The following VAV2 variants were observed in gnomAD, a reference collection of about 807,000 sequenced individuals.
The protein encoded by VAV2 is vav guanine nucleotide exchange factor 2.
A neutral mutation model predicts 132.5 loss-of-function variants in VAV2; 67 were observed. That is an observed-to-expected ratio of 0.51 (90% CI 0.42 to 0.62). The LOEUF (loss-of-function observed/expected upper bound fraction) is 0.62. VAV2 is among the 20% of genes least tolerant of loss of function. The pLI is 0.00. For synonymous variants in VAV2, 492 were observed against 443.5 expected, an observed-to-expected ratio of 1.11 and a Z score of -1.37; for missense variants, 938 against 1,153.6, an observed-to-expected ratio of 0.81 and a Z score of 2.71.
chr9:133,932,167 GGAA>G (rs1840710838), intron 2 of VAV2, among the ~76,000 whole-genome samples: 1 of 152,194 alleles, frequency 6.6e-6, no homozygotes, highest in African/African-American at 2.4e-5. Flanking sequence ...ACCAGCCCCT[GGAA>G]GAAGCCGCCA....
chr9:133,923,275 C>T (rs866283213), intron 2 of VAV2, among the ~76,000 whole-genome samples: 1 of 152,162 alleles, frequency 6.6e-6, no homozygotes, highest in African/African-American at 2.4e-5. Flanking sequence ...GAGAACAGTA[C>T]GGAGTTTCCT....
At chr9:133,933,847 ATGGGTGGAAGG>A (rs1840788841) in intron 2 of VAV2, among the ~76,000 whole-genome samples, 1 of 127,228 alleles carries the variant, frequency 7.9e-6, no homozygotes, top group African/African-American at 2.9e-5. Context: ...TGGATGGTGG[ATGGGTGGAAGG>A]ATGGGTGGAT....
At chr9:133,776,932 C>T (rs1003916217) in intron 23 of VAV2, among the ~76,000 whole-genome samples, 1 of 152,206 alleles carries the variant, frequency 6.6e-6, no homozygotes, top group Non-Finnish European at 1.5e-5. Context: ...CGAGAATTCG[C>T]TCCATATCCC....
rs146206016 is a variant in VAV2, at chr9:133,879,735, G to A, written c.322-18303C>T. ...CAGAACCTATCCGAGAATCCCTACC[G>A]CCTTGCGAGCTGCAAGTCCGATCTG... On this transcript the variant is annotated intron_variant, in intron 2 of 29. Coordinates refer to ENST00000371850, the MANE Select transcript of VAV2 (RefSeq NM_001134398.2). This position sits in a 1 kb window ranked among gnomAD's most constrained non-coding sequence, Gnocchi z 4.4. 6.6e-6 allele frequency among the ~76,000 whole-genome samples: 1 copy of A among 152,032 alleles called. No individual in the cohort carries two copies. Among genetic ancestry groups the A allele is most frequent in the African/African-American group, 2.4e-5 (1 of 41,474 alleles).
chr9:133,801,624 A>G (rs1485756989), intron 9 of VAV2, among the ~76,000 whole-genome samples: 1 of 152,222 alleles, frequency 6.6e-6, no homozygotes, highest in Non-Finnish European at 1.5e-5. Context: ...TCGGACCAGA[A>G]CTCGGCTGCA....
intron 3 of VAV2, among the ~76,000 whole-genome samples, chr9:133,859,652 A>C (rs563547163): frequency 3.9e-5 from 6 of 152,342 alleles, no homozygotes; most frequent in African/African-American, 1.4e-4. Flanking sequence ...AACAAAAAAA[A>C]AACAGGCTGG....
rs535695652 is a variant in VAV2, at chr9:133,821,363, C to T, written c.450-9147G>A. On this transcript the variant is annotated intron_variant, in intron 4 of 29. Coordinates refer to ENST00000371850, the MANE Select transcript of VAV2 (RefSeq NM_001134398.2). ...TCCTGAGCCCCTGGAGGGGAGGCAG[C>T]GAGGGAAACTAGGGTTGTCTTTGTA... Among the ~76,000 whole-genome samples the T allele has an allele frequency of 2.0e-5, 3 of 152,268 alleles. No homozygotes were observed. The South Asian group carries it at 6.2e-4, about 32-fold the overall frequency.
At chr9:133,893,831 G>A (rs534286423) in intron 2 of VAV2, among the ~76,000 whole-genome samples, 7 of 152,138 alleles carry the variant, frequency 4.6e-5, no homozygotes, top group South Asian at 2.1e-4. Context: ...GAAACCCACC[G>A]CACCTGACCC....
intron 2 of VAV2, among the ~76,000 whole-genome samples, chr9:133,882,517 A>C (rs1838538701): frequency 6.6e-6 from 1 of 152,064 alleles, no homozygotes; most frequent in Admixed American, 6.5e-5. Context: ...ATCCACTGTG[A>C]CCAGGGCCCT....
Position 133,893,058 on chromosome 9 carries a change from G to A in VAV2, c.322-31626C>T, listed in dbSNP as rs199699693. The stretch of plus-strand genomic sequence containing the variant: ...CTGGCCCTTAGACACGCAGTAAGGC[G>A]GACTCAGCTGCCCTTTCTCTCAGAG... On this transcript the variant is annotated intron_variant, in intron 2 of 29. Coordinates refer to ENST00000371850, the MANE Select transcript of VAV2 (RefSeq NM_001134398.2). Among the ~76,000 whole-genome samples the A allele has an allele frequency of 1.6e-4, 25 of 152,306 alleles. No individual in the cohort carries two copies. The East Asian group carries it at 3.9e-3, about 24-fold the overall frequency.
chr9:133,834,730 T>C lies in VAV2; in HGVS notation c.381-390A>G, dbSNP rs1278721269. On this transcript the variant is annotated intron_variant, in intron 3 of 29. Coordinates refer to ENST00000371850, the MANE Select transcript of VAV2 (RefSeq NM_001134398.2). This position sits in a 1 kb window ranked among gnomAD's most constrained non-coding sequence, Gnocchi z 5.9. ...GTGGAGATGAGGCTCCTCGCACACC[T>C]CCTGGTGGGCAGGTGGGAGGGCTGC... is the stretch of plus-strand genomic sequence containing the variant. Among the ~76,000 whole-genome samples the C allele has an allele frequency of 6.6e-6, 1 of 152,056 alleles. No individual in the cohort carries two copies. Among genetic ancestry groups the C allele is most frequent in the African/African-American group, 2.4e-5 (1 of 41,396 alleles).
At position 133,776,087 on chromosome 9, in the gene VAV2, G is replaced by A; in HGVS notation, c.1966-7C>T. The A allele has an allele frequency of 6.2e-7, 1 of 1,612,744 alleles. No individual in the cohort carries two copies. The highest frequency in any genetic ancestry group is 8.5e-7 in the Non-Finnish European group (1 of 1,179,752). The stretch of plus-strand genomic sequence containing the variant: ...GCGGCCGGCTGATGGGCGGCTGGTG[G>A]CAGAGCACAAGAGTGTTAACGGCCC... On this transcript the variant is annotated splice_region_variant and splice_polypyrimidine_tract_variant and intron_variant, in intron 23 of 29. Transcript: ENST00000371850.
At chr9:133,898,217 C>G (rs12379308) in intron 2 of VAV2, among the ~76,000 whole-genome samples, 1 of 152,058 alleles carries the variant, frequency 6.6e-6, no homozygotes, top group Admixed American at 6.5e-5. Context: ...CTAGTGTCAC[C>G]GGCAGCCGAC....
intron 17 of VAV2, 72 bp from the exon 18 acceptor site, chr9:133,784,490 GA>G: frequency 6.5e-7 from 1 of 1,543,140 alleles, no homozygotes; most frequent in South Asian, 1.1e-5. Flanking sequence ...GCCATCCTGG[GA>G]ACCAGCTGGG....
intron 9 of VAV2, among the ~76,000 whole-genome samples, chr9:133,801,014 C>A (rs565266065): frequency 6.6e-6 from 1 of 152,292 alleles, no homozygotes; most frequent in African/African-American, 2.4e-5. Context: ...GAGACTGCCC[C>A]GGGTGACCCC....
rs887568952 is a variant in VAV2 at position 133,788,681 on chromosome 9, C to T, written c.1275-195G>A. On this transcript the variant is annotated intron_variant, in intron 14 of 29. Coordinates refer to ENST00000371850, the MANE Select transcript of VAV2 (RefSeq NM_001134398.2). The surrounding 1 kb of genome is among the most constrained non-coding windows in gnomAD (Gnocchi z 5.3). ...TTCCCACACTGCTTCTCCAGGAAGC[C>T]TTCCTTGGCTCCCTACCCCCGTGAC... 1.3e-4 allele frequency among the ~76,000 whole-genome samples: 20 copies of T among 152,154 alleles called. No homozygotes were observed. The highest frequency in any genetic ancestry group is 1.3e-4 in the Admixed American group (2 of 15,278).
Position 133,810,213 on chromosome 9 carries a change from C to A in VAV2, c.553-8G>T. ...CACCTGCATGTATCTAATCTGCAAGCGTGGAGAAAGAACCAGAAACAGCGC... is the reference window on the plus strand; with the variant it reads ...CACCTGCATGTATCTAATCTGCAAGAGTGGAGAAAGAACCAGAAACAGCGC... On this transcript the variant is annotated splice_region_variant and splice_polypyrimidine_tract_variant and intron_variant, in intron 5 of 29. Transcript: ENST00000371850. The A allele has an allele frequency of 1.2e-6, 2 of 1,613,434 alleles. No homozygotes were observed. The highest frequency in any genetic ancestry group is 1.1e-5 in the South Asian group (1 of 91,064).
At chr9:133,820,048 G>T (rs543991305) in intron 4 of VAV2, among the ~76,000 whole-genome samples, 1 of 152,252 alleles carries the variant, frequency 6.6e-6, no homozygotes, top group East Asian at 1.9e-4. Flanking sequence ...AAATATGTTG[G>T]GTCCTTGGGA....
chr9:133,836,986 G>A (rs909972974), intron 3 of VAV2, among the ~76,000 whole-genome samples: 1 of 152,216 alleles, frequency 6.6e-6, no homozygotes, highest in African/African-American at 2.4e-5. Flanking sequence ...TGCCCTGCCA[G>A]GAGAGCTGAG....
Sources: gnomAD v4.1 joint callset for allele counts (sites outside exome capture counted in the v4.1 genomes callset) on GRCh38, gnomAD v4.1.1 for gene constraint, Gnocchi (gnomAD v3.1) non-coding constraint, MANE v1.5 for transcripts, NCBI Gene and HGNC (gene_info 2026-07-23, HGNC 2026-07-21) for gene names.